The following RMST variants were observed in gnomAD, a reference collection of about 807,000 sequenced individuals.
The protein encoded by RMST is rhabdomyosarcoma 2 associated transcript, also known as long intergenic non-protein coding RNA 54.
intron 10 of RMST, among the ~76,000 whole-genome samples, chr12:97,529,194 A>C (rs927284331): frequency 1.3e-5 from 2 of 152,058 alleles, no homozygotes; most frequent in African/African-American, 4.8e-5. Flanking sequence ...CTTGCTCTGT[A>C]GTTTCAGGAA....
chr12:97,511,876 A>ATACC (rs1323102949), intron 10 of RMST, among the ~76,000 whole-genome samples: 2 of 152,238 alleles, frequency 1.3e-5, no homozygotes, highest in Admixed American at 1.3e-4. Context: ...CTTCATGTGT[A>ATACC]TACCTGTTGG....
chr12:97,500,253 C>T (rs1877938254), intron 10 of RMST, among the ~76,000 whole-genome samples: 1 of 152,110 alleles, frequency 6.6e-6, no homozygotes, highest in African/African-American at 2.4e-5. Context: ...CTGCTTTGAG[C>T]CACATCCACA....
intron 10 of RMST, among the ~76,000 whole-genome samples, chr12:97,509,875 C>G (rs1879101419): frequency 6.6e-6 from 1 of 152,172 alleles, no homozygotes; most frequent in African/African-American, 2.4e-5. Context: ...ACCCAATACT[C>G]TGCAGTACTA....
At chr12:97,469,732 C>T (rs1762069573) in intron 5 of RMST, among the ~76,000 whole-genome samples, 1 of 151,952 alleles carries the variant, frequency 6.6e-6, no homozygotes, top group African/African-American at 2.4e-5. Flanking sequence ...TAGGCTTGTT[C>T]AAGATGTTCA....
At chr12:97,499,722 C>T (rs143532849) in intron 10 of RMST, among the ~76,000 whole-genome samples, 4,306 of 146,528 alleles carry the variant, frequency 0.029, 215 homozygotes, top group African/African-American at 0.1. Context: ...TGCAATGGCA[C>T]GATCTTTGCT....
At chr12:97,494,544 G>A (rs1017807167) in intron 8 of RMST, among the ~76,000 whole-genome samples, 6 of 152,024 alleles carry the variant, frequency 3.9e-5, no homozygotes, top group African/African-American at 1.5e-4. Flanking sequence ...AGACCACATC[G>A]CTATAAATAA....
intron 5 of RMST, among the ~76,000 whole-genome samples, chr12:97,481,144 A>C (rs529501893): frequency 6.6e-6 from 1 of 152,136 alleles, no homozygotes; most frequent in Non-Finnish European, 1.5e-5. Context: ...GCATTTATAT[A>C]TTTTTTAACT....
intron 10 of RMST, among the ~76,000 whole-genome samples, chr12:97,505,441 AC>A (rs1432701048): frequency 6.6e-6 from 1 of 152,244 alleles, no homozygotes; most frequent in Non-Finnish European, 1.5e-5. Context: ...GGTTCTGACA[AC>A]AAAGACTGAA....
chr12:97,495,184 G>GGGGA (rs10686890), intron 9 of RMST, among the ~76,000 whole-genome samples: 1 of 150,208 alleles, frequency 6.7e-6, no homozygotes, highest in Admixed American at 6.6e-5. Flanking sequence ...TATGGGGGGG[G>GGGGA]AGCCGCTGGG....
intron 10 of RMST, among the ~76,000 whole-genome samples, chr12:97,513,057 C>T (rs1160768336): frequency 6.6e-6 from 1 of 152,240 alleles, no homozygotes; most frequent in East Asian, 1.9e-4. Flanking sequence ...AGCCCACGCC[C>T]ACCCGGAACT....
intron 11 of RMST, among the ~76,000 whole-genome samples, chr12:97,554,953 A>C (rs1384289473): frequency 2.0e-5 from 3 of 152,154 alleles, no homozygotes; most frequent in African/African-American, 7.2e-5. Context: ...TCTCAGGGCC[A>C]TTGAAAAGTT....
intron 11 of RMST, among the ~76,000 whole-genome samples, chr12:97,553,553 G>A (rs1883463513): frequency 6.6e-6 from 1 of 152,076 alleles, no homozygotes; most frequent in Non-Finnish European, 1.5e-5. Flanking sequence ...GCAGGTTGTG[G>A]GCTTTTAGCA....
chr12:97,491,072 T>C (rs1876741578), intron 5 of RMST, among the ~76,000 whole-genome samples: 1 of 152,232 alleles, frequency 6.6e-6, no homozygotes, highest in Non-Finnish European at 1.5e-5. Context: ...ACAGTTCTGA[T>C]AGATTCCCAC....
intron 5 of RMST, among the ~76,000 whole-genome samples, chr12:97,491,152 A>C (rs1876754620): frequency 6.6e-6 from 1 of 152,236 alleles, no homozygotes; most frequent in Non-Finnish European, 1.5e-5. Flanking sequence ...CTCTGAGAGC[A>C]TTCACAGGGG....
chr12:97,471,892 G>A (rs576251695), intron 5 of RMST, among the ~76,000 whole-genome samples: 1 of 152,214 alleles, frequency 6.6e-6, no homozygotes, highest in East Asian at 1.9e-4. Flanking sequence ...TTTTGTCACT[G>A]TGAAGATAGA....
chr12:97,508,630 C>T (rs1273621106), intron 10 of RMST, among the ~76,000 whole-genome samples: 3 of 152,226 alleles, frequency 2.0e-5, no homozygotes, highest in Admixed American at 2.0e-4. Context: ...TCCCCTTATA[C>T]TGGCATCAGT....
chr12:97,531,350 C>T (rs919000475), intron 11 of RMST, among the ~76,000 whole-genome samples: 2 of 152,092 alleles, frequency 1.3e-5, no homozygotes, highest in East Asian at 3.9e-4. Flanking sequence ...TTAAGTCGCA[C>T]AACATAATTG....
At chr12:97,563,811 A>G (rs1008389535) in intron 13 of RMST, 2 of 505,706 alleles carry the variant, frequency 4.0e-6, no homozygotes, top group Non-Finnish European at 8.3e-6. Flanking sequence ...GCATCCGACC[A>G]AGATAAATTC....
chr12:97,478,823 A>G (rs1038081261), intron 5 of RMST, among the ~76,000 whole-genome samples: 1 of 151,988 alleles, frequency 6.6e-6, no homozygotes, highest in African/African-American at 2.4e-5. Flanking sequence ...AATACATCTG[A>G]CTCCATTTTA....
Sources: gnomAD v4.1 joint callset for allele counts (sites outside exome capture counted in the v4.1 genomes callset) on GRCh38, gnomAD v4.1.1 for gene constraint, MANE v1.5 for transcripts, NCBI Gene and HGNC (gene_info 2026-07-23, HGNC 2026-07-21) for gene names.